The following CADM2 variants were observed in gnomAD, a reference collection of about 807,000 sequenced individuals.
CADM2 encodes cell adhesion molecule 2, also known as immunoglobulin superfamily member 4D.
In CADM2, 12 loss-of-function variants were observed where a neutral mutation model predicts 49.8. The ratio of observed to expected loss-of-function variants is 0.24; its 90% CI spans 0.15 to 0.39. The LOEUF is 0.39. Ranked by LOEUF, CADM2 falls within the 10% of genes least tolerant of loss-of-function variation. The pLI is 1.00. For missense variants in CADM2, 378 were observed against 492.3 expected (o/e 0.77, Z 2.20); for synonymous variants, 214 against 175.4 (o/e 1.22, Z -1.74).
At chr3:85,759,319 AG>A (rs1175637159) in intron 2 of CADM2, among the ~76,000 whole-genome samples, 1 of 152,128 alleles carries the variant, frequency 6.6e-6, no homozygotes, top group Non-Finnish European at 1.5e-5. Flanking sequence ...TAGAATGAAA[AG>A]GTAACACAAT....
intron 1 of CADM2, among the ~76,000 whole-genome samples, chr3:85,345,239 G>A (rs1404036251): frequency 4.0e-5 from 6 of 148,550 alleles, no homozygotes; most frequent in Middle Eastern, 3.5e-3. Flanking sequence ...GCTTGAACCC[G>A]GGAGGCAGAG....
intron 8 of CADM2, among the ~76,000 whole-genome samples, chr3:86,003,554 A>T (rs1175139823): frequency 2.0e-5 from 3 of 152,192 alleles, no homozygotes; most frequent in Non-Finnish European, 4.4e-5. Context: ...TAATAAATGT[A>T]AAGTGTTTAG....
chr3:85,563,403 T>G (rs2062155095), intron 1 of CADM2, among the ~76,000 whole-genome samples: 1 of 109,574 alleles, frequency 9.1e-6, no homozygotes, highest in Non-Finnish European at 2.2e-5. Flanking sequence ...GGAATTTTTG[T>G]GTGTGTGTGG....
At chr3:86,045,759 A>G (rs1736593105) in intron 8 of CADM2, among the ~76,000 whole-genome samples, 1 of 152,238 alleles carries the variant, frequency 6.6e-6, no homozygotes, top group South Asian at 2.1e-4. Flanking sequence ...CACTAATATA[A>G]ACACCATTCT....
At chr3:85,323,556 A>T (rs1368932428) in intron 1 of CADM2, among the ~76,000 whole-genome samples, 1 of 152,156 alleles carries the variant, frequency 6.6e-6, no homozygotes, top group Non-Finnish European at 1.5e-5. Flanking sequence ...TTATGCTTGC[A>T]CATATCATGA....
At chr3:85,657,456 C>G (rs1315031666) in intron 1 of CADM2, among the ~76,000 whole-genome samples, 1 of 151,820 alleles carries the variant, frequency 6.6e-6, no homozygotes, top group Admixed American at 6.6e-5. Context: ...AAATCTTAGT[C>G]AAATTACCAT....
chr3:85,110,812 C>T (rs1425742637), intron 1 of CADM2, among the ~76,000 whole-genome samples: 4 of 151,506 alleles, frequency 2.6e-5, no homozygotes, highest in East Asian at 1.9e-4. Context: ...GAAGGAAGGC[C>T]GAGGAAGAAG....
chr3:85,406,964 G>A (rs1429844383), intron 1 of CADM2, among the ~76,000 whole-genome samples: 1 of 152,126 alleles, frequency 6.6e-6, no homozygotes, highest in Non-Finnish European at 1.5e-5. Context: ...GGAAGGCGGA[G>A]GTGGGAGGAT....
At position 85,896,579 on chromosome 3, in the gene CADM2, C is replaced by G. The variant is rs138945026; in HGVS notation, c.529+10252C>G. ...CAAAGCTGGACTCTGTAGTGGGTCA[C>G]TGAAGTTTGCCAGGATCTAATGGTA... On this transcript the variant is annotated intron_variant, in intron 5 of 9. Coordinates refer to ENST00000383699, the MANE Select transcript of CADM2 (RefSeq NM_001167675.2). 4.5e-4 allele frequency among the ~76,000 whole-genome samples: 68 copies of G among 152,250 alleles called. 1 individual carries two copies. Among genetic ancestry groups the G allele is most frequent in the Middle Eastern group, 3.4e-3 (1 of 294 alleles).
chr3:85,158,593 G>A (rs1020098757), intron 1 of CADM2, among the ~76,000 whole-genome samples: 9 of 151,984 alleles, frequency 5.9e-5, no homozygotes, highest in African/African-American at 1.7e-4. Flanking sequence ...CGCCAAGAAC[G>A]AAAAAACAAA....
chr3:85,176,980 A>G (rs2107695664), intron 1 of CADM2, among the ~76,000 whole-genome samples: 1 of 152,310 alleles, frequency 6.6e-6, no homozygotes, highest in South Asian at 2.1e-4. Flanking sequence ...AGCTGTGGCC[A>G]CATGAACTTT....
At chr3:85,833,380 A>AT (rs935384472) in intron 3 of CADM2, among the ~76,000 whole-genome samples, 1 of 151,538 alleles carries the variant, frequency 6.6e-6, no homozygotes, top group Non-Finnish European at 1.5e-5. Flanking sequence ...CTCCTGCTCT[A>AT]TTTTTTCAAT....
At chr3:85,413,559 A>G (rs1257317692) in intron 1 of CADM2, among the ~76,000 whole-genome samples, 1 of 152,160 alleles carries the variant, frequency 6.6e-6, no homozygotes, top group Non-Finnish European at 1.5e-5. Flanking sequence ...GAAACTTACA[A>G]TCATGGCAGA....
At chr3:85,564,559 G>A (rs547448891) in intron 1 of CADM2, among the ~76,000 whole-genome samples, 26 of 152,010 alleles carry the variant, frequency 1.7e-4, no homozygotes, top group African/African-American at 5.8e-4. Flanking sequence ...TTAATGATAC[G>A]ATTTAAATAA....
chr3:86,019,420 C>A lies in CADM2; in HGVS notation c.971-46185C>A, dbSNP rs1369354418. The stretch of plus-strand genomic sequence containing the variant: ...TTTTTTCCAATTCTGTGAAGAAAGG[C>A]ATTGGTAGCTTGATGGGGATGGCAT... On this transcript the variant is annotated intron_variant, in intron 8 of 9. Transcript: ENST00000383699. Among the ~76,000 whole-genome samples the A allele has an allele frequency of 2.7e-3, 410 of 150,954 alleles. 7 individuals carry two copies. The highest frequency in any genetic ancestry group is 2.9e-3 in the Admixed American group (44 of 15,096).
chr3:85,474,135 C>T lies in CADM2; in HGVS notation c.62-252387C>T, dbSNP rs1326332156. Among the ~76,000 whole-genome samples the T allele has an allele frequency of 3.3e-5, 5 of 151,254 alleles. No homozygotes were observed. In the East Asian group the frequency reaches 9.7e-4, roughly 29 times the overall value. The stretch of plus-strand genomic sequence containing the variant: ...TTAGGGATCTCCAGAAAAATAGAAC[C>T]AACAGGAGGTTTGTGTGTGTGTGTG... On this transcript the variant is annotated intron_variant, in intron 1 of 9. Transcript: ENST00000383699.
chr3:86,021,023 T>G (rs749869956), intron 8 of CADM2, among the ~76,000 whole-genome samples: 3 of 152,122 alleles, frequency 2.0e-5, no homozygotes, highest in Non-Finnish European at 4.4e-5. Flanking sequence ...CAGAGTCTTA[T>G]TCTGTCACCC....
intron 7 of CADM2, among the ~76,000 whole-genome samples, chr3:85,957,793 T>A (rs1306053445): frequency 6.6e-6 from 1 of 151,828 alleles, no homozygotes; most frequent in East Asian, 2.0e-4. Context: ...AGGGAAACAC[T>A]TTGCTTATTT....
chr3:85,779,274 A>T (rs2070511995), intron 2 of CADM2, among the ~76,000 whole-genome samples: 1 of 152,056 alleles, frequency 6.6e-6, no homozygotes, highest in Non-Finnish European at 1.5e-5. Flanking sequence ...ACAACTTTAT[A>T]TTTGTAAAGC....
Sources: gnomAD v4.1 joint callset for allele counts (sites outside exome capture counted in the v4.1 genomes callset) on GRCh38, gnomAD v4.1.1 for gene constraint, MANE v1.5 for transcripts, NCBI Gene and HGNC (gene_info 2026-07-23, HGNC 2026-07-21) for gene names.